The following GCN1 variants were observed in gnomAD, a reference collection of about 807,000 sequenced individuals.
GCN1 encodes GCN1 activator of EIF2AK4.
In GCN1, 90 loss-of-function variants were observed where a neutral mutation model predicts 288.4. That is an observed-to-expected ratio of 0.31 (90% confidence interval 0.26 to 0.37). GCN1 has a LOEUF of 0.37. Among genes scored for constraint, GCN1 ranks in the 10% least tolerant of loss-of-function variants. GCN1 has a pLI of 1.00. For synonymous variants in GCN1, 1,386 were observed against 1,420.2 expected (o/e 0.98, Z 0.54); for missense variants, 2,586 against 3,419.9 (o/e 0.76, Z 6.08).
intron 12 of GCN1, among the ~76,000 whole-genome samples, chr12:120,174,837 T>C (rs1329343751): frequency 6.9e-6 from 1 of 144,142 alleles, no homozygotes; most frequent in Non-Finnish European, 1.5e-5. Context: ...ATCACAGCTC[T>C]ACTCCTGGCA....
chr12:120,191,109 C>T (rs1322274717), intron 1 of GCN1, among the ~76,000 whole-genome samples: 2 of 152,126 alleles, frequency 1.3e-5, no homozygotes, highest in African/African-American at 4.8e-5. Context: ...TCATCCCAAG[C>T]AAAAAGTTGG....
At chr12:120,157,370 T>C (rs530543248) in intron 26 of GCN1, among the ~76,000 whole-genome samples, 1 of 152,356 alleles carries the variant, frequency 6.6e-6, no homozygotes, top group South Asian at 2.1e-4. Context: ...AAGAAAACTC[T>C]TGGTGAGAGT....
At chr12:120,193,017 C>T (rs1178428192) in intron 1 of GCN1, among the ~76,000 whole-genome samples, 3 of 151,910 alleles carry the variant, frequency 2.0e-5, no homozygotes, top group East Asian at 1.9e-4. Flanking sequence ...GCCTGGGCAA[C>T]AAGAGAGAAA....
intron 1 of GCN1, among the ~76,000 whole-genome samples, chr12:120,191,492 A>C (rs1184077544): frequency 1.3e-5 from 2 of 152,222 alleles, no homozygotes; most frequent in African/African-American, 4.8e-5. Context: ...CATGTAACTT[A>C]ACACAGTGGG....
In GCN1 at chr12:120,168,427, C is replaced by T. The variant is rs746511227; in HGVS notation, c.1520-127G>A. On this transcript the variant is annotated intron_variant, in intron 15 of 57. Transcript: ENST00000300648. ...CTCCTCTGCAGCAGGAGGCTCAGTG[C>T]TCTTCCATTTGGGGAACTGACCTCA... 1.2e-4 allele frequency: 83 copies of T among 678,638 alleles called. 1 individual carries two copies. In the Middle Eastern group the frequency reaches 1.5e-3, roughly 12 times the overall value. The allele number at this position is 678,638 out of a possible 1,614,324, so 42.0% of individuals were successfully genotyped here. A position where few individuals can be genotyped will look rare whatever the true frequency, so the allele number is the denominator to read the frequency against.
chr12:120,175,674 T>C, intron 11 of GCN1, 72 bp downstream of exon 11: 3 of 1,499,152 alleles, frequency 2.0e-6, no homozygotes, highest in Non-Finnish European at 2.7e-6. Flanking sequence ...TCAAGTCCCC[T>C]TCAGATCCCA....
chr12:120,193,081 G>A (rs11833158), intron 1 of GCN1, among the ~76,000 whole-genome samples: 25,089 of 151,644 alleles, frequency 0.17, 2,537 homozygotes, highest in East Asian at 0.55. Context: ...GGCCAGGTGC[G>A]GTGGCTCACG....
In GCN1 at chr12:120,143,077, G is replaced by A. The variant is rs988541649; in HGVS notation, c.5496-136C>T. 5.3e-6 allele frequency: 3 copies of A among 570,118 alleles called. No individual in the cohort carries two copies. In the African/African-American group the frequency reaches 5.5e-5, roughly 10 times the overall value. The allele number at this position is 570,118 out of a possible 1,614,324, so 35.3% of individuals were successfully genotyped here. A position where few individuals can be genotyped will look rare whatever the true frequency, so the allele number is the denominator to read the frequency against. On this transcript the variant is annotated intron_variant, in intron 42 of 57. Coordinates refer to ENST00000300648, the MANE Select transcript of GCN1 (RefSeq NM_006836.2). ...ATCTTGGAATGGGAAGAGTCAGGTG[G>A]TTTACATTTCTTTACACTCGCCCAC... is the stretch of plus-strand genomic sequence containing the variant.
chr12:120,131,318 A>G lies in GCN1; in HGVS notation c.7430T>C (p.Ile2477Thr), dbSNP rs772194593. The stretch of plus-strand genomic sequence containing the variant: ...CCGCCCGTGCCGAACCATCCAGTCA[A>G]TGCCGGACACGTCCGCTGGGTGGAA... ...QQCLLADVSGIDWMVRHGRSL... is the reference protein window; with the variant it reads ...QQCLLADVSGTDWMVRHGRSL... Residue 2477 changes from isoleucine to threonine, a missense_variant, in exon 55 of 58, where the codon ATT becomes ACT. Ile to Thr is a moderately conservative substitution (Grantham distance 89, BLOSUM62 -1). Transcript: ENST00000300648. 1.4e-5 allele frequency: 22 copies of G among 1,613,896 alleles called. No individual in the cohort carries two copies. The highest frequency in any genetic ancestry group is 1.8e-5 in the Non-Finnish European group (21 of 1,180,008).
chr12:120,194,657 G>A (rs940479149), intron 1 of GCN1, 23 bp downstream of exon 1: 3 of 1,514,320 alleles, frequency 2.0e-6, no homozygotes, highest in Middle Eastern at 1.7e-4. Context: ...TGGCCGCGTT[G>A]GCCCCGCAGC....
intron 1 of GCN1, among the ~76,000 whole-genome samples, chr12:120,193,382 T>C (rs1224289434): frequency 6.6e-6 from 1 of 152,134 alleles, no homozygotes; most frequent in Non-Finnish European, 1.5e-5. Flanking sequence ...CTCAGCTCAC[T>C]GCAACCTCTG....
At position 120,157,870 on chromosome 12, in the gene GCN1, G is replaced by A; in HGVS notation, c.3066C>T (p.Thr1022=). ...CAACCTCGTCCACCCGCCCGGGTGG[G>A]GTGTTGGGGGAGGCCCTCAGCTGGG... The part of the protein sequence containing the change: ...VQAQLRASPN[T]PPGRVDENGP... The change falls in exon 26 of 58, where the codon ACC becomes ACT. Residue 1022 remains threonine, a synonymous_variant. Coordinates refer to ENST00000300648, the MANE Select transcript of GCN1 (RefSeq NM_006836.2). The A allele has an allele frequency of 6.2e-6, 10 of 1,613,786 alleles. 1 individual carries two copies. The South Asian group carries it at 6.6e-5, about 11-fold the overall frequency.
At position 120,140,872 on chromosome 12, in the gene GCN1, G is replaced by A. The variant is rs747317336; in HGVS notation, c.5981C>T (p.Thr1994Ile). The A allele has an allele frequency of 1.2e-4, 198 of 1,613,612 alleles. No individual in the cohort carries two copies. The highest frequency in any genetic ancestry group is 1.5e-4 in the Non-Finnish European group (172 of 1,179,818). Residue 1994 changes from threonine (T) to isoleucine (I), a missense_variant, in exon 45 of 58, where the codon ACC becomes ATC. Physicochemically the swap from Thr to Ile is moderately conservative, Grantham distance 89. Around this residue, in one of 8 missense-constraint regions of GCN1, gnomAD observed 437 missense variants for 570.5 expected, o/e 0.77. Coordinates refer to ENST00000300648, the MANE Select transcript of GCN1 (RefSeq NM_006836.2). ...CIGLSEIMKS[T>I]SRDAVLYFSE... ...GAAGATACTCACGGCATCCCGGCTG[G>A]TGGACTTCATGATCTCACTTAGGCC...
At chr12:120,183,460 TG>T in intron 5 of GCN1, 108 bp downstream of exon 5, 1 of 738,250 alleles carries the variant, frequency 1.4e-6, no homozygotes, top group Non-Finnish European at 2.5e-6. Flanking sequence ...TCAGAGTGTC[TG>T]GTCACCCAGC....
intron 26 of GCN1, 132 bp downstream of exon 26, chr12:120,157,717 G>A (rs878891802): frequency 4.1e-6 from 3 of 727,568 alleles, no homozygotes; most frequent in South Asian, 2.1e-5. Context: ...AACACTGTGT[G>A]AGGCTGCTGT....
intron 26 of GCN1, 87 bp from the exon 27 acceptor site, chr12:120,157,079 C>A: frequency 1.2e-6 from 1 of 815,376 alleles, no homozygotes; most frequent in Non-Finnish European, 2.1e-6. Flanking sequence ...CTCTCACCCA[C>A]GGGGGAACAT....
Position 120,184,932 on chromosome 12 carries a change from G to C in GCN1, c.122-45C>G, listed in dbSNP as rs530756237. On this transcript the variant is annotated intron_variant, in intron 2 of 57. Transcript: ENST00000300648. ...AGACAGCGGTCAATAAAAATCACTT[G>C]GTAAGCCGCTGGAGTCAGGTATTCT... is the stretch of plus-strand genomic sequence containing the variant. 4.8e-5 allele frequency: 64 copies of C among 1,337,814 alleles called. No individual in the cohort carries two copies. In the African/African-American group the frequency reaches 9.1e-4, roughly 19 times the overall value. The allele number at this position is 1,337,814 out of a possible 1,614,324, so 82.9% of individuals were successfully genotyped here. A position where few individuals can be genotyped will look rare whatever the true frequency, so the allele number is the denominator to read the frequency against.
At chr12:120,148,678 G>C (rs938579008) in intron 36 of GCN1, among the ~76,000 whole-genome samples, 1 of 152,210 alleles carries the variant, frequency 6.6e-6, no homozygotes, top group African/African-American at 2.4e-5. Flanking sequence ...TGAGGAAACT[G>C]ATTTAGATTT....
At chr12:120,193,053 T>C (rs1879057723) in intron 1 of GCN1, among the ~76,000 whole-genome samples, 1 of 143,812 alleles carries the variant, frequency 7.0e-6, no homozygotes, top group Non-Finnish European at 1.5e-5. Context: ...TAAAATAAAA[T>C]AATAAAAAAT....
Sources: gnomAD v4.1 joint callset for allele counts (sites outside exome capture counted in the v4.1 genomes callset) on GRCh38, gnomAD v4.1.1 for gene constraint, gnomAD v4.1.1 regional missense constraint, MANE v1.5 for transcripts, NCBI Gene and HGNC (gene_info 2026-07-23, HGNC 2026-07-21) for gene names.